The following ESR1 variants were observed in gnomAD, a reference collection of about 807,000 sequenced individuals.
ESR1 encodes the protein estrogen receptor 1.
A neutral mutation model predicts 52.7 loss-of-function variants in ESR1; 12 were observed. The observed-to-expected ratio is 0.23, with a 90% CI of 0.15 to 0.37. The LOEUF is 0.37. ESR1 is among the 10% of genes least tolerant of loss of function. The pLI is 1.00. For synonymous variants in ESR1, 305 were observed against 316.8 expected, an observed-to-expected ratio of 0.96 and a Z score of 0.39; for missense variants, 584 against 779.7, an observed-to-expected ratio of 0.75 and a Z score of 2.99.
intron 2 of ESR1, among the ~76,000 whole-genome samples, chr6:151,722,406 T>C (rs1434908431): frequency 6.6e-6 from 1 of 152,056 alleles, no homozygotes; most frequent in East Asian, 1.9e-4. Context: ...GAGCCTGGCT[T>C]AGGGAGGGAG....
chr6:151,962,355 C>G (rs1166024236), intron 4 of ESR1, among the ~76,000 whole-genome samples: 2 of 152,060 alleles, frequency 1.3e-5, no homozygotes, highest in Non-Finnish European at 2.9e-5. Flanking sequence ...AGTTCTGCCC[C>G]CTGTTCCCTG....
At chr6:151,804,672 CAA>C (rs1232256916), upstream of ESR1, 3 of 152,140 alleles carry the variant, frequency 2.0e-5, no homozygotes, top group African/African-American at 7.2e-5. Flanking sequence ...GTACTGGTCT[CAA>C]GAGCCACTCA....
intron 2 of ESR1, among the ~76,000 whole-genome samples, chr6:151,736,340 T>G (rs1329528127): frequency 1.3e-5 from 2 of 149,972 alleles, no homozygotes; most frequent in Non-Finnish European, 3.0e-5. Flanking sequence ...TTAAAAGTAA[T>G]AAAAACAATA....
chr6:151,679,983 C>A (rs905669162), intron 1 of ESR1, among the ~76,000 whole-genome samples: 1 of 152,148 alleles, frequency 6.6e-6, no homozygotes, highest in Non-Finnish European at 1.5e-5. Flanking sequence ...GCTTAATCAT[C>A]GCCTTAGCAC....
intron 1 of ESR1, among the ~76,000 whole-genome samples, chr6:151,698,931 A>G (rs1779570124): frequency 6.6e-6 from 1 of 152,170 alleles, no homozygotes. Flanking sequence ...AATCAAGCAT[A>G]TAGCTCCTTC....
At chr6:151,901,892 T>C (rs1796748269) in intron 3 of ESR1, among the ~76,000 whole-genome samples, 1 of 152,216 alleles carries the variant, frequency 6.6e-6, no homozygotes, top group Non-Finnish European at 1.5e-5. Context: ...CAGAAGTTTA[T>C]GGTGTGAGTT....
At chr6:151,782,588 A>G (rs1373260317) in intron 2 of ESR1, among the ~76,000 whole-genome samples, 1 of 152,190 alleles carries the variant, frequency 6.6e-6, no homozygotes, top group Non-Finnish European at 1.5e-5. Context: ...TTCTTGATAC[A>G]TACTTCCATA....
At chr6:152,092,125 C>T (rs1385365980) in intron 6 of ESR1, among the ~76,000 whole-genome samples, 1 of 152,220 alleles carries the variant, frequency 6.6e-6, no homozygotes, top group Admixed American at 6.5e-5. Flanking sequence ...GCCAACACCA[C>T]GGCCATGGGA....
chr6:151,977,878 T>A (rs2039593580), intron 4 of ESR1, among the ~76,000 whole-genome samples: 1 of 148,334 alleles, frequency 6.7e-6, no homozygotes, highest in African/African-American at 2.5e-5. Context: ...GAATTTCAAG[T>A]GTATGCACCA....
chr6:151,909,381 A>G (rs1562537321), intron 3 of ESR1, among the ~76,000 whole-genome samples: 1 of 152,214 alleles, frequency 6.6e-6, no homozygotes, highest in Admixed American at 6.5e-5. Flanking sequence ...GAGGCTGGGT[A>G]GAGAGACTCT....
chr6:151,987,838 G>T (rs12664544), intron 4 of ESR1, among the ~76,000 whole-genome samples: 2 of 151,958 alleles, frequency 1.3e-5, no homozygotes, highest in Non-Finnish European at 2.9e-5. Context: ...AGTATGCCAT[G>T]TCTATCTTTT....
chr6:151,657,600 A>G (rs1417020571), intron 1 of ESR1, among the ~76,000 whole-genome samples: 1 of 152,164 alleles, frequency 6.6e-6, no homozygotes, highest in Non-Finnish European at 1.5e-5. Flanking sequence ...TTTCCATATC[A>G]CTGGTGAACT....
At chr6:151,871,894 G>GATTCATTCATTCATTCATTCATTCA (rs1791035664) in intron 2 of ESR1, among the ~76,000 whole-genome samples, 1 of 152,208 alleles carries the variant, frequency 6.6e-6, no homozygotes, top group East Asian at 1.9e-4. Context: ...CATTCATGTT[G>GATTCATTCATTCATTCATTCATTCA]TAGCATGTGT....
intron 1 of ESR1, among the ~76,000 whole-genome samples, chr6:151,694,839 T>C (rs1779213343): frequency 6.6e-6 from 1 of 152,176 alleles, no homozygotes; most frequent in African/African-American, 2.4e-5. Flanking sequence ...CATAAATTAT[T>C]ACTTAGTTCC....
intron 2 of ESR1, among the ~76,000 whole-genome samples, chr6:151,714,436 T>A (rs912832659): frequency 6.6e-6 from 1 of 152,148 alleles, no homozygotes; most frequent in Non-Finnish European, 1.5e-5. Flanking sequence ...GACAGTGGGG[T>A]GTTAAAGTCT....
intron 1 of ESR1, among the ~76,000 whole-genome samples, chr6:151,693,048 C>T (rs112901729): frequency 0.011 from 1,691 of 152,280 alleles, 25 homozygotes; most frequent in African/African-American, 0.038. Context: ...AATTTAGAGG[C>T]AGATTATTTA....
chr6:151,658,967 G>A (rs1777545546), intron 1 of ESR1, among the ~76,000 whole-genome samples: 1 of 152,212 alleles, frequency 6.6e-6, no homozygotes, highest in African/African-American at 2.4e-5. Flanking sequence ...AGGCTTAGAA[G>A]AAGGAAGCTC....
At chr6:151,775,670 C>T (rs1413031844) in intron 2 of ESR1, among the ~76,000 whole-genome samples, 1 of 150,808 alleles carries the variant, frequency 6.6e-6, no homozygotes, top group African/African-American at 2.4e-5. Flanking sequence ...GGCGTGAACC[C>T]GGGAGGCGGA....
chr6:151,858,339 G>A (rs377264528), intron 2 of ESR1, among the ~76,000 whole-genome samples: 4 of 152,142 alleles, frequency 2.6e-5, no homozygotes, highest in African/African-American at 4.8e-5. Context: ...TTTCAGTCAC[G>A]CAGCCAGTGA....
Sources: allele counts gnomAD v4.1 joint callset (sites outside exome capture counted in the v4.1 genomes callset), GRCh38; gene constraint gnomAD v4.1.1; transcripts MANE v1.5; gene names NCBI Gene and HGNC (gene_info 2026-07-23, HGNC 2026-07-21).